The following PRKG1 variants were observed in gnomAD, a reference collection of about 807,000 sequenced individuals.
PRKG1 encodes the protein cGMP-dependent protein kinase 1.
In PRKG1, 35 loss-of-function variants were observed where a neutral mutation model predicts 88.1. That is an observed-to-expected ratio of 0.40 (90% CI 0.30 to 0.53). PRKG1 has a LOEUF of 0.53. Among genes scored for constraint, PRKG1 ranks in the 20% least tolerant of loss-of-function variants. The pLI is 0.59. For synonymous variants in PRKG1, 303 were observed against 292.5 expected (o/e 1.04, Z -0.37); for missense variants, 540 against 839.8 (o/e 0.64, Z 4.41).
chr10:52,069,817 TACCC>T (rs1846451007), intron 7 of PRKG1, among the ~76,000 whole-genome samples: 1 of 152,138 alleles, frequency 6.6e-6, no homozygotes, highest in African/African-American at 2.4e-5. Flanking sequence ...TTTAAAATTT[TACCC>T]ATGTGAAATA....
At chr10:51,103,430 A>C (rs1411943560) in intron 1 of PRKG1, among the ~76,000 whole-genome samples, 1 of 152,214 alleles carries the variant, frequency 6.6e-6, no homozygotes, top group Admixed American at 6.5e-5. Flanking sequence ...GCTAAAAAAA[A>C]GCTGAGCAGT....
At chr10:51,729,427 T>G (rs1317434226) in intron 3 of PRKG1, among the ~76,000 whole-genome samples, 1 of 151,986 alleles carries the variant, frequency 6.6e-6, no homozygotes, top group East Asian at 1.9e-4. Context: ...CTGTCAAGAA[T>G]GAGAAAAATT....
At chr10:52,045,118 A>G (rs893386330) in intron 5 of PRKG1, among the ~76,000 whole-genome samples, 1 of 151,998 alleles carries the variant, frequency 6.6e-6, no homozygotes, top group Non-Finnish European at 1.5e-5. Context: ...CCTTTCATCC[A>G]TGTGGGAGCT....
intron 2 of PRKG1, among the ~76,000 whole-genome samples, chr10:51,337,627 C>T (rs545188957): frequency 1.4e-4 from 22 of 152,098 alleles, no homozygotes; most frequent in African/African-American, 4.6e-4. Flanking sequence ...GATATTCATG[C>T]GGCCCACAAA....
At chr10:51,831,100 C>G (rs1839996524) in intron 4 of PRKG1, among the ~76,000 whole-genome samples, 1 of 152,008 alleles carries the variant, frequency 6.6e-6, no homozygotes, top group South Asian at 2.1e-4. Context: ...ATTGATAGAT[C>G]TTAGTGACAA....
At chr10:52,110,556 G>A (rs1265913430) in intron 7 of PRKG1, among the ~76,000 whole-genome samples, 1 of 152,026 alleles carries the variant, frequency 6.6e-6, no homozygotes, top group Non-Finnish European at 1.5e-5. Context: ...GTTGTGCAGA[G>A]GCAGGGAGGG....
chr10:51,785,641 C>G (rs1838708621), intron 3 of PRKG1, among the ~76,000 whole-genome samples: 2 of 152,084 alleles, frequency 1.3e-5, no homozygotes, highest in South Asian at 4.1e-4. Flanking sequence ...TGTTGATTAT[C>G]TGCCAACTCT....
chr10:51,249,994 T>C (rs752212308), intron 2 of PRKG1, among the ~76,000 whole-genome samples: 10 of 151,824 alleles, frequency 6.6e-5, no homozygotes, highest in African/African-American at 9.7e-5. Flanking sequence ...GTAATTCTTA[T>C]CATCTAGGGT....
intron 3 of PRKG1, among the ~76,000 whole-genome samples, chr10:51,620,103 A>T (rs1839168053): frequency 6.6e-6 from 1 of 152,126 alleles, no homozygotes; most frequent in Admixed American, 6.6e-5. Flanking sequence ...CTCAACAAAC[A>T]CTAATATATT....
chr10:51,194,404 A>C (rs1837709440), intron 2 of PRKG1, among the ~76,000 whole-genome samples: 1 of 152,008 alleles, frequency 6.6e-6, no homozygotes, highest in African/African-American at 2.4e-5. Flanking sequence ...CAACCCCCTG[A>C]CAGGCCCCAG....
chr10:51,297,835 T>C (rs1024231074), intron 2 of PRKG1, among the ~76,000 whole-genome samples: 1 of 152,140 alleles, frequency 6.6e-6, no homozygotes, highest in Non-Finnish European at 1.5e-5. Flanking sequence ...ATGATTACGA[T>C]AATGCCTCCC....
At chr10:52,136,895 C>T (rs1837439025) in intron 8 of PRKG1, among the ~76,000 whole-genome samples, 1 of 151,978 alleles carries the variant, frequency 6.6e-6, no homozygotes, top group East Asian at 1.9e-4. Flanking sequence ...ACAGAAAAAT[C>T]AGCTTGAGTC....
At chr10:52,129,900 T>C (rs917833759) in intron 7 of PRKG1, among the ~76,000 whole-genome samples, 1 of 152,160 alleles carries the variant, frequency 6.6e-6, no homozygotes, top group African/African-American at 2.4e-5. Context: ...TTAAATCTGA[T>C]AGCAAAGCAT....
intron 3 of PRKG1, among the ~76,000 whole-genome samples, chr10:51,783,560 G>A (rs1293117735): frequency 6.6e-6 from 1 of 152,116 alleles, no homozygotes; most frequent in Non-Finnish European, 1.5e-5. Flanking sequence ...GGGATTAAAA[G>A]TGTGAGCCAC....
At chr10:51,098,781 A>T (rs1243303347) in intron 1 of PRKG1, among the ~76,000 whole-genome samples, 1 of 152,192 alleles carries the variant, frequency 6.6e-6, no homozygotes, top group African/African-American at 2.4e-5. Context: ...GTTTCCTTTT[A>T]AAATCCCCAC....
chr10:51,294,074 T>C (rs1840654167), intron 2 of PRKG1, among the ~76,000 whole-genome samples: 1 of 152,114 alleles, frequency 6.6e-6, no homozygotes, highest in African/African-American at 2.4e-5. Context: ...GAGTTTCTTT[T>C]TTTACTTATT....
intron 1 of PRKG1, among the ~76,000 whole-genome samples, chr10:51,105,119 C>T: frequency 6.6e-6 from 1 of 152,218 alleles, no homozygotes; most frequent in East Asian, 1.9e-4. Context: ...GATCTGCCCA[C>T]CTCAGCCTCC....
At chr10:52,165,046 G>T (rs935744044) in intron 9 of PRKG1, among the ~76,000 whole-genome samples, 12 of 152,080 alleles carry the variant, frequency 7.9e-5, no homozygotes, top group African/African-American at 2.9e-4. Context: ...AATGGTAATT[G>T]CTTGATGAAA....
intron 1 of PRKG1, among the ~76,000 whole-genome samples, chr10:51,148,800 T>C (rs552731692): frequency 6.6e-6 from 1 of 152,332 alleles, no homozygotes; most frequent in Admixed American, 6.5e-5. Context: ...ATTCATTAAT[T>C]GATGAAATCC....
Sources: allele counts gnomAD v4.1 joint callset (sites outside exome capture counted in the v4.1 genomes callset), GRCh38; gene constraint gnomAD v4.1.1; transcripts MANE v1.5; gene names NCBI Gene and HGNC (gene_info 2026-07-23, HGNC 2026-07-21).